ZNF107: variants seen among roughly 807,000 people sequenced by gnomAD.
ZNF107 encodes the protein C2H2 type zinc-finger protein.
Under a neutral mutation model 12.3 loss-of-function variants are expected in ZNF107, and 19 were observed. The observed-to-expected ratio is 1.55, with a 90% CI of 1.08 to 2.27. The LOEUF is 2.27. ZNF107 is among the 30% of genes most tolerant of loss of function. The pLI is 0.00. For missense variants in ZNF107, 958 were observed against 979.9 expected (o/e 0.98, Z 0.30); for synonymous variants, 317 against 330.5 (o/e 0.96, Z 0.44).
At chr7:64,702,486 A>G (rs565960895) in intron 3 of ZNF107, among the ~76,000 whole-genome samples, 4 of 152,048 alleles carry the variant, frequency 2.6e-5, no homozygotes, top group Admixed American at 1.3e-4. Flanking sequence ...CTAAACCTCT[A>G]TATTTTTCAG....
chr7:64,679,377 G>A, intron 1 of ZNF107: 2 of 981,186 alleles, frequency 2.0e-6, no homozygotes, highest in Non-Finnish European at 2.4e-6. Context: ...CCTTTTCTTA[G>A]AGAGGAGAGG....
At chr7:64,702,838 C>G (rs368557548) in intron 3 of ZNF107, among the ~76,000 whole-genome samples, 2 of 152,188 alleles carry the variant, frequency 1.3e-5, no homozygotes, top group Admixed American at 1.3e-4. Flanking sequence ...GGATTATAGG[C>G]GTGAGCCACC....
chr7:64,701,436 A>AT (rs71778819), intron 3 of ZNF107, among the ~76,000 whole-genome samples: 51,075 of 144,114 alleles, frequency 0.35, 9,134 homozygotes, highest in Non-Finnish European at 0.4. Context: ...TAATTTTTGT[A>AT]TTTTTTTTTT....
chr7:64,698,751 G>C (rs566681907), intron 3 of ZNF107, among the ~76,000 whole-genome samples: 1 of 152,184 alleles, frequency 6.6e-6, no homozygotes, highest in South Asian at 2.1e-4. Flanking sequence ...TTGTATTTAA[G>C]AAAGTAATGC....
chr7:64,666,271 G>A lies in ZNF107; in HGVS notation c.-12G>A. Reference sequence around the variant, plus strand: ...CACAGCTAAGACGCCGGGACTCCCTGGAAACCTAGAAATGGTGAGAGTGCT... The same window carrying A: ...CACAGCTAAGACGCCGGGACTCCCTAGAAACCTAGAAATGGTGAGAGTGCT... On this transcript the variant is annotated 5_prime_UTR_variant, in exon 1 of 4. Coordinates refer to ENST00000620827, the MANE Select transcript of ZNF107 (RefSeq NM_001282359.2). 6.2e-7 allele frequency: 1 copy of A among 1,609,822 alleles called. No individual in the cohort carries two copies. The highest frequency in any genetic ancestry group is 8.5e-7 in the Non-Finnish European group (1 of 1,177,620).
chr7:64,680,163 C>T (rs889150693), intron 1 of ZNF107, among the ~76,000 whole-genome samples: 3 of 152,122 alleles, frequency 2.0e-5, no homozygotes, highest in Non-Finnish European at 4.4e-5. Flanking sequence ...CCTCCCACCC[C>T]ACTATTTCCC....
At chr7:64,704,121 G>T (rs1466138412) in intron 3 of ZNF107, among the ~76,000 whole-genome samples, 2 of 141,200 alleles carry the variant, frequency 1.4e-5, no homozygotes, top group African/African-American at 5.3e-5. Context: ...ATATTCATTA[G>T]CAGGTGTTTA....
rs573927997 is a variant in ZNF107, at chr7:64,710,065, T to G, written c.*1409T>G. On this transcript the variant is annotated 3_prime_UTR_variant, in exon 4 of 4. Coordinates refer to ENST00000620827, the MANE Select transcript of ZNF107 (RefSeq NM_001282359.2). ...ATTGCTCAAACCTGGGAGGCGAAGA[T>G]TGCAGTGAGCTGAAATCACACCACT... The G allele has an allele frequency of 3.7e-4, 76 of 207,112 alleles. No individual in the cohort carries two copies. The highest frequency in any genetic ancestry group is 5.9e-4 in the Non-Finnish European group (61 of 102,972). 12.8% of individuals were successfully genotyped at this position (207,112 alleles called of 1,614,324 possible). A position where few individuals can be genotyped will look rare whatever the true frequency, so the allele number is the denominator to read the frequency against.
In ZNF107 at chr7:64,711,096, C is replaced by CA. The variant is rs1383017649; in HGVS notation, c.*2442dup. 11 of 152,062 alleles carry CA rather than the reference C, an allele frequency of 7.2e-5. No homozygotes were observed. Among genetic ancestry groups the CA allele is most frequent in the Non-Finnish European group, 1.3e-4 (9 of 67,968 alleles). The allele number at this position is 152,062 out of a possible 1,614,324, so 9.4% of individuals were successfully genotyped here. On this transcript the variant is annotated 3_prime_UTR_variant, in exon 4 of 4. Coordinates refer to ENST00000620827, the MANE Select transcript of ZNF107 (RefSeq NM_001282359.2). ...TAACATGTTAAAACTATTGTGCATT[C>CA]AATGAAGTGTTTTCATGCCACTGAC... is the stretch of plus-strand genomic sequence containing the variant.
chr7:64,688,473 G>C (rs879290863), intron 1 of ZNF107, among the ~76,000 whole-genome samples: 6 of 151,896 alleles, frequency 4.0e-5, no homozygotes, highest in Non-Finnish European at 7.4e-5. Flanking sequence ...GGCCAGGCTG[G>C]TCTCAAACTC....
chr7:64,697,177 A>G (rs1451381789), intron 3 of ZNF107, among the ~76,000 whole-genome samples: 1 of 152,210 alleles, frequency 6.6e-6, no homozygotes, highest in Non-Finnish European at 1.5e-5. Flanking sequence ...ATAGTATTCC[A>G]TGGTGTATAT....
At chr7:64,672,897 A>G (rs2128956260) in intron 1 of ZNF107, among the ~76,000 whole-genome samples, 1 of 152,078 alleles carries the variant, frequency 6.6e-6, no homozygotes, top group East Asian at 1.9e-4. Context: ...ACTAATTTAC[A>G]TTCCCACAGG....
In ZNF107 at chr7:64,708,390, G is replaced by C; in HGVS notation, c.2293G>C (p.Glu765Gln). The C allele has an allele frequency of 6.2e-7, 1 of 1,612,610 alleles. No homozygotes were observed. The highest frequency in any genetic ancestry group is 8.5e-7 in the Non-Finnish European group (1 of 1,179,582). Residue 765 changes from glutamate to glutamine, a missense_variant, in exon 4 of 4, where the codon GAA becomes CAA. Physicochemically the swap from Glu to Gln is conservative, Grantham distance 29. Transcript: ENST00000620827. ...TGGAGAGAAACCCTATAAATGTGAA[G>C]AATGTGGCAAAGCTTTTAACCAATC... ...HTGEKPYKCE[E>Q]CGKAFNQSSN...
At chr7:64,702,718 C>T (rs189235891) in intron 3 of ZNF107, among the ~76,000 whole-genome samples, 89 of 152,106 alleles carry the variant, frequency 5.9e-4, no homozygotes, top group Non-Finnish European at 9.4e-4. Context: ...CCACTATACC[C>T]AGCTAATTTT....
chr7:64,669,258 T>C (rs73361872), intron 1 of ZNF107: 7,090 of 151,834 alleles, frequency 0.047, 442 homozygotes, highest in African/African-American at 0.14. Flanking sequence ...TCAAGTGATC[T>C]GCCTGCCTTG....
rs959134682 is a variant in ZNF107 at position 64,710,613 on chromosome 7, C to T, written c.*1957C>T. On this transcript the variant is annotated 3_prime_UTR_variant, in exon 4 of 4. Transcript: ENST00000620827. Reference sequence around the variant, plus strand: ...GAATTTTTTTGTAGATGTATAATTACATTCAAATTATATTTTTTCTTGAAA... The same window carrying T: ...GAATTTTTTTGTAGATGTATAATTATATTCAAATTATATTTTTTCTTGAAA... 2 of 151,134 alleles carry T rather than the reference C, an allele frequency of 1.3e-5. No homozygotes were observed. The highest frequency in any genetic ancestry group is 4.2e-4 in the South Asian group (2 of 4,788). 9.4% of individuals were successfully genotyped at this position (151,134 alleles called of 1,614,324 possible).
intron 3 of ZNF107, among the ~76,000 whole-genome samples, chr7:64,698,425 C>CTT (rs889015014): frequency 6.9e-6 from 1 of 145,210 alleles, no homozygotes; most frequent in Admixed American, 6.9e-5. Flanking sequence ...TTGAATTTTT[C>CTT]TTTTTTTTTT....
At chr7:64,684,136 G>A (rs1045759473) in intron 1 of ZNF107, among the ~76,000 whole-genome samples, 4 of 152,084 alleles carry the variant, frequency 2.6e-5, no homozygotes, top group East Asian at 1.9e-4. Context: ...CTCCAACTCC[G>A]AAAGGACTGG....
chr7:64,682,662 C>A (rs190379592), intron 1 of ZNF107, among the ~76,000 whole-genome samples: 1 of 152,308 alleles, frequency 6.6e-6, no homozygotes, highest in African/African-American at 2.4e-5. Flanking sequence ...GCCCTGTTTA[C>A]ATGCTGCAGC....
Sources: gnomAD v4.1 joint callset for allele counts (sites outside exome capture counted in the v4.1 genomes callset) on GRCh38, gnomAD v4.1.1 for gene constraint, MANE v1.5 for transcripts, NCBI Gene and HGNC (gene_info 2026-07-23, HGNC 2026-07-21) for gene names.